The following GNL2 variants were observed in gnomAD, a reference collection of about 807,000 sequenced individuals.
The protein encoded by GNL2 is G protein nucleolar 2, also known as nucleolar GTP-binding protein 2.
Under a neutral mutation model 92.3 loss-of-function variants are expected in GNL2, and 51 were observed. The ratio of observed to expected loss-of-function variants is 0.55; its 90% CI spans 0.44 to 0.70. The LOEUF (loss-of-function observed/expected upper bound fraction) is 0.70. Ranked by LOEUF, GNL2 falls within the 30% of genes least tolerant of loss-of-function variation. The pLI is 0.00. For missense variants in GNL2, 844 were observed against 895.6 expected, an observed-to-expected ratio of 0.94 and a Z score of 0.74; for synonymous variants, 283 against 300.6, an observed-to-expected ratio of 0.94 and a Z score of 0.61.
chr1:37,586,651 C>G (rs1186409990), intron 5 of GNL2, among the ~76,000 whole-genome samples: 3 of 152,156 alleles, frequency 2.0e-5, no homozygotes, highest in African/African-American at 4.8e-5. Context: ...ATTAACAATG[C>G]TTAATATCAG....
rs1032663966 is a variant in GNL2 at position 37,582,875 on chromosome 1, C to T, written c.698G>A (p.Arg233His). 6.2e-6 allele frequency: 10 copies of T among 1,610,770 alleles called. No individual in the cohort carries two copies. Among genetic ancestry groups the T allele is most frequent in the Admixed American group, 3.3e-5 (2 of 59,986 alleles). Residue 233 changes from arginine (R) to histidine (H), a missense_variant, in exon 7 of 16, where the codon CGT (arginine) becomes CAT (histidine). By Grantham distance (29) the Arg-to-His change is conservative. Coordinates refer to ENST00000373062, the MANE Select transcript of GNL2 (RefSeq NM_013285.3). ...CAGGTAAGTTTCAATGTGAGGGGAACGAGTACCCATTGGATCTCTAGCATC... is the reference window on the plus strand; with the variant it reads ...CAGGTAAGTTTCAATGTGAGGGGAATGAGTACCCATTGGATCTCTAGCATC... The part of the protein sequence containing the change: ...VLDARDPMGT[R>H]SPHIETYLKK...
chr1:37,571,513 C>T (rs527353970), intron 12 of GNL2, among the ~76,000 whole-genome samples: 6 of 152,304 alleles, frequency 3.9e-5, no homozygotes, highest in Admixed American at 1.3e-4. Flanking sequence ...ACAGCTTCTT[C>T]ATCTCCCTGT....
intron 14 of GNL2, 78 bp downstream of exon 14, chr1:37,568,197 T>C (rs1643537128): frequency 1.2e-6 from 1 of 854,004 alleles, no homozygotes. Context: ...ACTGAGATAA[T>C]TTGGAGACTG....
intron 5 of GNL2, 91 bp from the exon 6 acceptor site, chr1:37,584,024 G>T (rs925260057): frequency 2.6e-6 from 2 of 784,236 alleles, no homozygotes; most frequent in African/African-American, 3.4e-5. Flanking sequence ...AAAAAAAACA[G>T]TATCAAACCC....
chr1:37,577,107 C>CA (rs544174738), intron 8 of GNL2, among the ~76,000 whole-genome samples: 1,751 of 91,092 alleles, frequency 0.019, 21 homozygotes, highest in African/African-American at 0.045. Flanking sequence ...ACTCCAGTCT[C>CA]AAAAAAAAAA....
At chr1:37,586,430 A>T (rs1027910283) in intron 5 of GNL2, among the ~76,000 whole-genome samples, 1 of 152,134 alleles carries the variant, frequency 6.6e-6, no homozygotes, top group African/African-American at 2.4e-5. Context: ...TCTCCTTTTG[A>T]GTATGGATCC....
At chr1:37,579,158 G>A (rs1458553167) in intron 8 of GNL2, among the ~76,000 whole-genome samples, 1 of 152,144 alleles carries the variant, frequency 6.6e-6, no homozygotes, top group African/African-American at 2.4e-5. Flanking sequence ...TGTAAAAGGA[G>A]GCAGAGCAAA....
At position 37,575,716 on chromosome 1, in the gene GNL2, G is replaced by C. The variant is rs1277723006; in HGVS notation, c.1039-17C>G. The C allele has an allele frequency of 1.4e-6, 2 of 1,464,728 alleles. No homozygotes were observed. The highest frequency in any genetic ancestry group is 2.3e-5 in the East Asian group (1 of 43,008). 90.7% of individuals were successfully genotyped at this position (1,464,728 alleles called of 1,614,324 possible). A position where few individuals can be genotyped will look rare whatever the true frequency, so the allele number is the denominator to read the frequency against. The stretch of plus-strand genomic sequence containing the variant: ...CTGCCAGACCTGAAGTCAGAAAAAA[G>C]TCAGAGATGTCCTGTATCAAACACT... On this transcript the variant is annotated splice_polypyrimidine_tract_variant and intron_variant, in intron 9 of 15. Coordinates refer to ENST00000373062, the MANE Select transcript of GNL2 (RefSeq NM_013285.3). This position sits in a 1 kb window ranked among gnomAD's most constrained non-coding sequence, Gnocchi z 4.1.
intron 12 of GNL2, among the ~76,000 whole-genome samples, chr1:37,573,579 T>A (rs1643628691): frequency 6.6e-6 from 1 of 152,350 alleles, no homozygotes; most frequent in East Asian, 1.9e-4. Context: ...CTGTTTTTCG[T>A]TCCTATATTC....
At chr1:37,571,712 T>C (rs1643596662) in intron 12 of GNL2, among the ~76,000 whole-genome samples, 1 of 152,238 alleles carries the variant, frequency 6.6e-6, no homozygotes. Context: ...GCATATTGAC[T>C]TGCTGTGTGC....
At position 37,583,800 on chromosome 1, in the gene GNL2, A is replaced by C; in HGVS notation, c.636+67T>G. On this transcript the variant is annotated intron_variant, in intron 6 of 15. Transcript: ENST00000373062. The stretch of plus-strand genomic sequence containing the variant: ...AACAGAGCTTCAATATATCAAAATT[A>C]GTTTTCTTCTACAAAATCATGAAAG... 3.3e-6 allele frequency: 3 copies of C among 897,320 alleles called. No individual in the cohort carries two copies. The South Asian group carries it at 4.0e-5, about 12-fold the overall frequency. The allele number at this position is 897,320 out of a possible 1,614,324, so 55.6% of individuals were successfully genotyped here.
intron 14 of GNL2, 53 bp downstream of exon 14, chr1:37,568,222 A>C (rs1333306843): frequency 4.2e-6 from 5 of 1,190,016 alleles, no homozygotes. Context: ...TAGGTTTCTC[A>C]AAACTCTAAA....
At chr1:37,585,645 A>G (rs1036033557) in intron 5 of GNL2, among the ~76,000 whole-genome samples, 7 of 152,208 alleles carry the variant, frequency 4.6e-5, no homozygotes, top group Non-Finnish European at 7.3e-5. Flanking sequence ...TCGGCAGAAT[A>G]CAAAGCCAAC....
chr1:37,570,675 G>T (rs1357854137), intron 12 of GNL2: 1 of 152,164 alleles, frequency 6.6e-6, no homozygotes, highest in African/African-American at 2.4e-5. Flanking sequence ...CCAGAAACAT[G>T]AGCCAAAACA....
At chr1:37,588,126 C>T (rs1040689432) in intron 4 of GNL2, among the ~76,000 whole-genome samples, 1 of 151,876 alleles carries the variant, frequency 6.6e-6, no homozygotes. Context: ...TAGCAAAAGT[C>T]CAAAATAATA....
In GNL2 at chr1:37,595,884, T is replaced by C. The variant is rs1643920826; in HGVS notation, c.-62A>G. The C allele has an allele frequency of 2.1e-6, 3 of 1,454,206 alleles. No homozygotes were observed. The highest frequency in any genetic ancestry group is 1.1e-5 in the South Asian group (1 of 87,524). 90.1% of individuals were successfully genotyped at this position (1,454,206 alleles called of 1,614,324 possible). A position where few individuals can be genotyped will look rare whatever the true frequency, so the allele number is the denominator to read the frequency against. ...GCTTACGTGGTGAAACAAACTTTTATGTTCCCAAGCCCGGCCGAAGACACC... is the reference window on the plus strand; with the variant it reads ...GCTTACGTGGTGAAACAAACTTTTACGTTCCCAAGCCCGGCCGAAGACACC... On this transcript the variant is annotated 5_prime_UTR_variant, in exon 1 of 16. Coordinates refer to ENST00000373062, the MANE Select transcript of GNL2 (RefSeq NM_013285.3).
intron 5 of GNL2, 127 bp downstream of exon 5, chr1:37,587,184 T>C (rs1448222880): frequency 3.0e-6 from 2 of 658,416 alleles, no homozygotes; most frequent in Non-Finnish European, 5.1e-6. Flanking sequence ...GGAGAATTGC[T>C]TGAACCTGGG....
intron 8 of GNL2, among the ~76,000 whole-genome samples, chr1:37,577,413 G>A (rs973630961): frequency 1.3e-5 from 2 of 152,138 alleles, no homozygotes; most frequent in Admixed American, 1.3e-4. Context: ...TAAAGATGGT[G>A]GACTGAACAT....
At chr1:37,567,214 T>G (rs1210560694) in intron 15 of GNL2, among the ~76,000 whole-genome samples, 1 of 152,158 alleles carries the variant, frequency 6.6e-6, no homozygotes, top group African/African-American at 2.4e-5. Context: ...AAGTTACAAA[T>G]CCACATGTGA....
Sources: allele counts gnomAD v4.1 joint callset (sites outside exome capture counted in the v4.1 genomes callset), GRCh38; gene constraint gnomAD v4.1.1; non-coding constraint Gnocchi (gnomAD v3.1); transcripts MANE v1.5; gene names NCBI Gene and HGNC (gene_info 2026-07-23, HGNC 2026-07-21).